The following NTM variants were observed in gnomAD, a reference collection of about 807,000 sequenced individuals.
NTM encodes the protein neurotrimin.
NTM carries 13 observed loss-of-function variants against 42.1 expected under a neutral mutation model. The ratio of observed to expected loss-of-function variants is 0.31; its 90% confidence interval spans 0.20 to 0.49. The LOEUF (loss-of-function observed/expected upper bound fraction) is 0.49, where lower values mean the gene tolerates loss of function less well. Ranked by LOEUF, NTM falls within the 20% of genes least tolerant of loss-of-function variation. The pLI, the probability that NTM is intolerant of heterozygous loss-of-function variation, is 0.99. For synonymous variants in NTM, 187 were observed against 179.2 expected (o/e 1.04, Z -0.35); for missense variants, 373 against 452.8 (o/e 0.82, Z 1.60).
intron 2 of NTM, among the ~76,000 whole-genome samples, chr11:132,082,331 C>A (rs1016312367): frequency 2.0e-5 from 3 of 152,084 alleles, no homozygotes; most frequent in African/African-American, 7.2e-5. Context: ...ATTCAGGTTT[C>A]CCCCTCACAA....
chr11:132,091,128 G>C (rs1004650107), intron 2 of NTM, among the ~76,000 whole-genome samples: 1 of 152,116 alleles, frequency 6.6e-6, no homozygotes, highest in African/African-American at 2.4e-5. Context: ...AGAAACCCTA[G>C]CTTATAATCC....
chr11:131,588,072 T>C (rs1456036410), intron 1 of NTM, among the ~76,000 whole-genome samples: 3 of 152,210 alleles, frequency 2.0e-5, no homozygotes, highest in Non-Finnish European at 4.4e-5. Flanking sequence ...TACATCACCA[T>C]ATGAGGTGGT....
At chr11:131,765,005 A>G (rs142154225) in intron 1 of NTM, among the ~76,000 whole-genome samples, 1 of 152,272 alleles carries the variant, frequency 6.6e-6, no homozygotes, top group African/African-American at 2.4e-5. Context: ...CTTAGAAGAC[A>G]TGCCAAAGTT....
At chr11:132,089,900 CA>C (rs545742868) in intron 2 of NTM, among the ~76,000 whole-genome samples, 3 of 152,032 alleles carry the variant, frequency 2.0e-5, no homozygotes, top group Admixed American at 6.5e-5. Context: ...TATTTTGATG[CA>C]AAAAAATTAA....
intron 4 of NTM, among the ~76,000 whole-genome samples, chr11:132,278,717 A>G (rs558011246): frequency 6.8e-6 from 1 of 148,036 alleles, no homozygotes; most frequent in African/African-American, 2.5e-5. Flanking sequence ...CTCCTTTGGA[A>G]TGTCTTTCTT....
At chr11:131,381,468 A>G (rs1387743254) in intron 1 of NTM, among the ~76,000 whole-genome samples, 2 of 152,252 alleles carry the variant, frequency 1.3e-5, no homozygotes, top group African/African-American at 2.4e-5. Flanking sequence ...ATAAGAATTA[A>G]CTAATCATTC....
intron 1 of NTM, among the ~76,000 whole-genome samples, chr11:131,468,917 C>T (rs748630519): frequency 2.9e-4 from 44 of 152,216 alleles, no homozygotes; most frequent in Non-Finnish European, 5.1e-4. Flanking sequence ...CTGGCAGGTA[C>T]GAGAGTGCTT....
intron 1 of NTM, among the ~76,000 whole-genome samples, chr11:131,866,208 C>T (rs147026195): frequency 6.6e-6 from 1 of 152,240 alleles, no homozygotes; most frequent in Non-Finnish European, 1.5e-5. Context: ...ATGCTGCACA[C>T]ACACATGCAT....
chr11:132,053,963 C>A (rs1001574822), intron 2 of NTM, among the ~76,000 whole-genome samples: 1 of 152,196 alleles, frequency 6.6e-6, no homozygotes, highest in Non-Finnish European at 1.5e-5. Flanking sequence ...CAACTGTAAT[C>A]CCGGCACTTT....
At chr11:131,990,027 A>G (rs1305943306) in intron 2 of NTM, among the ~76,000 whole-genome samples, 1 of 152,144 alleles carries the variant, frequency 6.6e-6, no homozygotes, top group Middle Eastern at 3.2e-3. Flanking sequence ...CTGTTATTAT[A>G]TGTAGCTGGA....
At chr11:132,314,422 A>G (rs1373535161) in intron 6 of NTM, 130 bp from the exon 7 acceptor site, 3 of 1,002,890 alleles carry the variant, frequency 3.0e-6, no homozygotes, top group South Asian at 1.8e-5. Context: ...GGTTGAGTGG[A>G]TCAAATAATG....
chr11:132,187,888 T>C (rs2078676916), intron 3 of NTM, among the ~76,000 whole-genome samples: 1 of 152,216 alleles, frequency 6.6e-6, no homozygotes, highest in Non-Finnish European at 1.5e-5. Flanking sequence ...GAGTGATACG[T>C]AGGAGAAACT....
chr11:131,900,073 G>A (rs932735264), intron 1 of NTM, among the ~76,000 whole-genome samples: 6 of 152,186 alleles, frequency 3.9e-5, no homozygotes, highest in South Asian at 2.1e-4. Context: ...AGTGTTATGC[G>A]AGGCACTGAT....
chr11:131,868,954 GT>G lies in NTM; in HGVS notation c.83-42606del. On this transcript the variant is annotated intron_variant, in intron 1 of 8. Transcript: ENST00000683400. ...CTGTTGCATATAGGAACTCAATAAAGTTTTGTGGGCAAATGAATACAAGTAT... is the reference window on the plus strand; with the variant it reads ...CTGTTGCATATAGGAACTCAATAAAGTTTGTGGGCAAATGAATACAAGTAT... 2.6e-5 allele frequency among the ~76,000 whole-genome samples: 4 copies of G among 152,220 alleles called. 1 individual carries two copies. The highest frequency in any genetic ancestry group is 2.6e-4 in the Admixed American group (4 of 15,292).
intron 1 of NTM, among the ~76,000 whole-genome samples, chr11:131,511,683 A>G (rs551959327): frequency 1.1e-4 from 17 of 152,098 alleles, no homozygotes; most frequent in Non-Finnish European, 2.5e-4. Context: ...TGATGGGATT[A>G]TTGTCTTGGG....
At chr11:131,871,131 T>C (rs920308562) in intron 1 of NTM, among the ~76,000 whole-genome samples, 27 of 152,138 alleles carry the variant, frequency 1.8e-4, no homozygotes, top group African/African-American at 6.5e-4. Context: ...AAGAAAGAGT[T>C]TGTGTGATCA....
Position 132,154,996 on chromosome 11 carries a change from C to A in NTM, c.400+8482C>A, listed in dbSNP as rs2072857702. On this transcript the variant is annotated intron_variant, in intron 3 of 8. Coordinates refer to ENST00000683400, the MANE Select transcript of NTM (RefSeq NM_001352005.2). ...TTTCTTTATGTCTCAATTATATATT[C>A]ATGTCTTTGTGGTAAACTCAGCTGG... Among the ~76,000 whole-genome samples, 3 of 152,184 alleles carry A rather than the reference C, an allele frequency of 2.0e-5. No homozygotes were observed. The Middle Eastern group carries it at 0.01, about 518-fold the overall frequency.
intron 1 of NTM, among the ~76,000 whole-genome samples, chr11:131,649,723 A>G (rs1041197610): frequency 2.6e-5 from 4 of 152,192 alleles, no homozygotes; most frequent in Non-Finnish European, 5.9e-5. Flanking sequence ...GCCAATACAC[A>G]TGGTGACCAG....
chr11:131,514,746 G>T (rs2048682168), intron 1 of NTM, among the ~76,000 whole-genome samples: 2 of 151,738 alleles, frequency 1.3e-5, no homozygotes, highest in Admixed American at 1.3e-4. Flanking sequence ...ATGCTACCAC[G>T]CCTGACTAAG....
Sources: allele counts gnomAD v4.1 joint callset (sites outside exome capture counted in the v4.1 genomes callset), GRCh38; gene constraint gnomAD v4.1.1; transcripts MANE v1.5; gene names NCBI Gene and HGNC (gene_info 2026-07-23, HGNC 2026-07-21).